CHST8: variants seen among roughly 807,000 people sequenced by gnomAD.
CHST8 encodes carbohydrate sulfotransferase 8.
A neutral mutation model predicts 15.0 loss-of-function variants in CHST8; 10 were observed. That is an observed-to-expected ratio of 0.67 (90% CI 0.41 to 1.13). CHST8 has a LOEUF of 1.13. Ranked by LOEUF, CHST8 falls within the 50% of genes most tolerant of loss-of-function variation. The pLI is 0.00. For synonymous variants in CHST8, 259 were observed against 256.6 expected (o/e 1.01, Z -0.09); for missense variants, 634 against 608.2 (o/e 1.04, Z -0.45).
At chr19:33,707,353 C>T (rs541888263) in intron 3 of CHST8, among the ~76,000 whole-genome samples, 1 of 152,246 alleles carries the variant, frequency 6.6e-6, no homozygotes, top group South Asian at 2.1e-4. Flanking sequence ...CTAGCCTGAC[C>T]TAATTTTAGG....
chr19:33,720,132 G>A (rs1204170538), intron 3 of CHST8, among the ~76,000 whole-genome samples: 1 of 152,140 alleles, frequency 6.6e-6, no homozygotes, highest in Admixed American at 6.5e-5. Flanking sequence ...AAGGGCATGG[G>A]CAGCTCCTCA....
intron 3 of CHST8, among the ~76,000 whole-genome samples, chr19:33,737,926 AG>A (rs1277196062): frequency 6.6e-6 from 1 of 152,126 alleles, no homozygotes; most frequent in African/African-American, 2.4e-5. Flanking sequence ...TTCAGCAACA[AG>A]TGGTTGCAGT....
chr19:33,630,231 A>G (rs1224892612), intron 1 of CHST8, among the ~76,000 whole-genome samples: 1 of 152,224 alleles, frequency 6.6e-6, no homozygotes, highest in East Asian at 1.9e-4. Context: ...GCCCTGGAGA[A>G]GTTGAGCAAA....
intron 1 of CHST8, among the ~76,000 whole-genome samples, chr19:33,657,069 T>C (rs936439230): frequency 6.6e-6 from 1 of 151,820 alleles, no homozygotes; most frequent in African/African-American, 2.4e-5. Flanking sequence ...TGTTAAAACC[T>C]TCCATTTTGA....
chr19:33,690,290 T>C (rs1973076214), intron 3 of CHST8, among the ~76,000 whole-genome samples: 1 of 152,100 alleles, frequency 6.6e-6, no homozygotes, highest in Non-Finnish European at 1.5e-5. Context: ...TCTTGCTTGC[T>C]CAGTGCTGTG....
chr19:33,642,510 G>A (rs889143841), intron 1 of CHST8, among the ~76,000 whole-genome samples: 1 of 152,152 alleles, frequency 6.6e-6, no homozygotes, highest in African/African-American at 2.4e-5. Context: ...TTACAGACAC[G>A]CACCACCACA....
In CHST8 at chr19:33,632,666, C is replaced by G. The variant is rs577518288; in HGVS notation, c.-164+10370C>G. 7.9e-5 allele frequency among the ~76,000 whole-genome samples: 12 copies of G among 152,178 alleles called. No individual in the cohort carries two copies. In the South Asian group the frequency reaches 2.1e-3, roughly 26 times the overall value. On this transcript the variant is annotated intron_variant, in intron 1 of 4. Coordinates refer to ENST00000650847, the MANE Select transcript of CHST8 (RefSeq NM_001127895.2). ...CAGAACATGACCAGGACCCCAGAAC[C>G]CCCCCATGACCTCTTCCAGTCATTC...
At chr19:33,692,664 C>A (rs552235400) in intron 3 of CHST8, among the ~76,000 whole-genome samples, 1 of 152,154 alleles carries the variant, frequency 6.6e-6, no homozygotes, top group East Asian at 1.9e-4. Context: ...TGTGCCACTG[C>A]GCTCCAGCCT....
chr19:33,654,067 G>A (rs1222656603), intron 1 of CHST8, among the ~76,000 whole-genome samples: 1 of 152,160 alleles, frequency 6.6e-6, no homozygotes, highest in African/African-American at 2.4e-5. Flanking sequence ...CATTCTGGGT[G>A]ATTATGTTAG....
At chr19:33,627,292 A>G (rs1246773106) in intron 1 of CHST8, among the ~76,000 whole-genome samples, 1 of 148,424 alleles carries the variant, frequency 6.7e-6, no homozygotes, top group African/African-American at 2.5e-5. Flanking sequence ...TAATATTTTT[A>G]GTAGAGATGG....
At chr19:33,742,462 C>A (rs563109277) in intron 3 of CHST8, among the ~76,000 whole-genome samples, 1 of 152,278 alleles carries the variant, frequency 6.6e-6, no homozygotes, top group Non-Finnish European at 1.5e-5. Flanking sequence ...ATGCCAGACT[C>A]TTTTAAACAA....
At chr19:33,635,219 T>G (rs1019280711) in intron 1 of CHST8, among the ~76,000 whole-genome samples, 1 of 152,212 alleles carries the variant, frequency 6.6e-6, no homozygotes, top group Non-Finnish European at 1.5e-5. Flanking sequence ...TGTCATCAGC[T>G]GCTCCACTCC....
chr19:33,671,472 T>G (rs1972737833), intron 2 of CHST8, among the ~76,000 whole-genome samples: 1 of 152,132 alleles, frequency 6.6e-6, no homozygotes, highest in South Asian at 2.1e-4. Flanking sequence ...CCTGTCTCAT[T>G]CAGAGTCAAA....
At chr19:33,710,024 A>G (rs558432327) in intron 3 of CHST8, among the ~76,000 whole-genome samples, 4 of 152,244 alleles carry the variant, frequency 2.6e-5, no homozygotes, top group African/African-American at 9.6e-5. Context: ...CCATAGTTCT[A>G]TTCAGGTTTT....
rs1974149278 is a variant in CHST8, at chr19:33,739,606, TGTGAATGC to T, written c.131-31803_131-31796del. 3.3e-5 allele frequency among the ~76,000 whole-genome samples: 5 copies of T among 152,356 alleles called. No individual in the cohort carries two copies. The South Asian group carries it at 1.0e-3, about 32-fold the overall frequency. ...GAGTGGTTGATATCTCACTGATATT[TGTGAATGC>T]GTGGATGAGTGACTGGATCTGCTTG... is the stretch of plus-strand genomic sequence containing the variant. On this transcript the variant is annotated intron_variant, in intron 3 of 4. Transcript: ENST00000650847.
intron 3 of CHST8, among the ~76,000 whole-genome samples, chr19:33,722,166 C>A (rs988153707): frequency 1.5e-5 from 2 of 130,290 alleles, no homozygotes; most frequent in Admixed American, 1.5e-4. Flanking sequence ...GGAAGATGGA[C>A]AGCTAGGTGG....
chr19:33,756,545 C>T (rs550515500), intron 3 of CHST8, among the ~76,000 whole-genome samples: 2 of 152,296 alleles, frequency 1.3e-5, no homozygotes, highest in Non-Finnish European at 2.9e-5. Flanking sequence ...TCTGGGGGTC[C>T]TGGCAGCATG....
At chr19:33,656,567 G>T (rs963743425) in intron 1 of CHST8, among the ~76,000 whole-genome samples, 1 of 152,044 alleles carries the variant, frequency 6.6e-6, no homozygotes, top group Non-Finnish European at 1.5e-5. Flanking sequence ...ACAGGGCTTT[G>T]CTCTGTCACC....
At chr19:33,759,532 G>C (rs1388563162) in intron 3 of CHST8, among the ~76,000 whole-genome samples, 1 of 152,300 alleles carries the variant, frequency 6.6e-6, no homozygotes, top group Admixed American at 6.5e-5. Context: ...AGAAGTGCTG[G>C]TATCATGCCC....
Sources: allele counts gnomAD v4.1 joint callset (sites outside exome capture counted in the v4.1 genomes callset), GRCh38; gene constraint gnomAD v4.1.1; transcripts MANE v1.5; gene names NCBI Gene and HGNC (gene_info 2026-07-23, HGNC 2026-07-21).